GRIK2: variants seen among roughly 807,000 people sequenced by gnomAD.
The protein encoded by GRIK2 is glutamate ionotropic receptor kainate type subunit 2.
A neutral mutation model predicts 100.3 loss-of-function variants in GRIK2; 32 were observed. The observed-to-expected ratio is 0.32, with a 90% CI of 0.24 to 0.43. The LOEUF (loss-of-function observed/expected upper bound fraction) is 0.43, where lower values mean the gene tolerates loss of function less well. Among genes scored for constraint, GRIK2 ranks in the 20% least tolerant of loss-of-function variants. The pLI, the probability that GRIK2 is intolerant of heterozygous loss-of-function variation, is 1.00. For synonymous variants in GRIK2, 417 were observed against 389.4 expected, an observed-to-expected ratio of 1.07 and a Z score of -0.83; for missense variants, 843 against 1,114.9, an observed-to-expected ratio of 0.76 and a Z score of 3.47.
intron 2 of GRIK2, among the ~76,000 whole-genome samples, chr6:101,457,355 A>G (rs1202612686): frequency 6.6e-6 from 1 of 152,096 alleles, no homozygotes; most frequent in Non-Finnish European, 1.5e-5. Context: ...GTTATCTTTC[A>G]TGTGCATTTA....
chr6:102,066,989 T>A (rs1244462178), intron 16 of GRIK2, among the ~76,000 whole-genome samples: 2 of 151,722 alleles, frequency 1.3e-5, no homozygotes, highest in Non-Finnish European at 2.9e-5. Context: ...GATATGTTGC[T>A]GGAATCTTAG....
chr6:101,874,901 C>T (rs1384792622), intron 11 of GRIK2, among the ~76,000 whole-genome samples: 1 of 151,942 alleles, frequency 6.6e-6, no homozygotes, highest in Non-Finnish European at 1.5e-5. Context: ...CTCTGTTTGT[C>T]TGTTATTGGT....
intron 4 of GRIK2, among the ~76,000 whole-genome samples, chr6:101,628,836 CCTT>C (rs1469434934): frequency 2.6e-5 from 4 of 152,048 alleles, no homozygotes; most frequent in African/African-American, 9.7e-5. Context: ...TAATTATCAT[CCTT>C]AAACTCCTCA....
At chr6:101,494,140 A>C (rs937294726) in intron 2 of GRIK2, among the ~76,000 whole-genome samples, 7 of 150,636 alleles carry the variant, frequency 4.6e-5, no homozygotes, top group African/African-American at 1.7e-4. Flanking sequence ...TAAGGCAACA[A>C]TTTTAAAGGG....
intron 2 of GRIK2, among the ~76,000 whole-genome samples, chr6:101,455,167 G>T (rs1770932055): frequency 1.3e-5 from 2 of 152,024 alleles, no homozygotes; most frequent in African/African-American, 4.8e-5. Flanking sequence ...GGCAGGGAAA[G>T]GAAACTGACT....
intron 2 of GRIK2, among the ~76,000 whole-genome samples, chr6:101,600,542 G>A (rs939979205): frequency 3.9e-5 from 6 of 151,996 alleles, no homozygotes; most frequent in African/African-American, 1.2e-4. Context: ...AGCATGGAAT[G>A]TTTTTCTATT....
At chr6:102,014,841 G>T (rs1404660043) in intron 14 of GRIK2, among the ~76,000 whole-genome samples, 2 of 152,064 alleles carry the variant, frequency 1.3e-5, no homozygotes, top group Non-Finnish European at 2.9e-5. Context: ...GCTGAGGATT[G>T]TTTTATATCT....
chr6:101,748,657 T>A (rs922981387), intron 7 of GRIK2, among the ~76,000 whole-genome samples: 6 of 152,126 alleles, frequency 3.9e-5, no homozygotes, highest in African/African-American at 1.4e-4. Context: ...TATCACAGTA[T>A]CTGATACTCT....
chr6:102,025,583 A>G (rs941982225), intron 14 of GRIK2, among the ~76,000 whole-genome samples: 1 of 151,264 alleles, frequency 6.6e-6, no homozygotes, highest in Non-Finnish European at 1.5e-5. Context: ...AGAAAACAGC[A>G]TAGTCAAAGA....
intron 7 of GRIK2, among the ~76,000 whole-genome samples, chr6:101,791,673 T>C (rs923066914): frequency 3.3e-5 from 5 of 151,994 alleles, no homozygotes; most frequent in African/African-American, 1.2e-4. Flanking sequence ...GCTGAAAAAA[T>C]GTATATTCTG....
At chr6:102,006,920 A>G (rs529720581) in intron 14 of GRIK2, among the ~76,000 whole-genome samples, 2 of 152,172 alleles carry the variant, frequency 1.3e-5, no homozygotes, top group South Asian at 4.1e-4. Flanking sequence ...GGTAATTTTA[A>G]ATGGAAATAA....
chr6:101,738,659 G>A (rs1775834956), intron 7 of GRIK2, among the ~76,000 whole-genome samples: 1 of 151,980 alleles, frequency 6.6e-6, no homozygotes, highest in African/African-American at 2.4e-5. Context: ...TGTTGACCAG[G>A]GTTTCTCAAC....
intron 14 of GRIK2, among the ~76,000 whole-genome samples, chr6:101,938,389 G>A (rs930050081): frequency 7.9e-5 from 12 of 151,974 alleles, no homozygotes; most frequent in African/African-American, 2.9e-4. Flanking sequence ...ATCAGGAAAA[G>A]GACAAAATAA....
intron 2 of GRIK2, among the ~76,000 whole-genome samples, chr6:101,441,505 C>T (rs974241861): frequency 6.6e-6 from 1 of 152,148 alleles, no homozygotes; most frequent in Admixed American, 6.5e-5. Context: ...CTACCCAGAA[C>T]ACGGTATTAT....
chr6:102,048,836 T>G (rs749582142), intron 15 of GRIK2, among the ~76,000 whole-genome samples: 2 of 151,950 alleles, frequency 1.3e-5, no homozygotes, highest in Non-Finnish European at 2.9e-5. Flanking sequence ...TAATATAATA[T>G]AATTACAATA....
At position 101,401,641 on chromosome 6, in the gene GRIK2, A is replaced by T. The variant is rs144244568; in HGVS notation, c.115+2249A>T. 1.1e-3 allele frequency among the ~76,000 whole-genome samples: 174 copies of T among 152,300 alleles called. 2 individuals are homozygous for T. Among genetic ancestry groups the T allele is most frequent in the African/African-American group, 3.9e-3 (164 of 41,570 alleles). ...AAGGACTGTGTACATTGTTACTGGA[A>T]CATTTCCCTGTTGGGGCTATTTTGA... On this transcript the variant is annotated intron_variant, in intron 2 of 16. Transcript: ENST00000369134.
chr6:101,769,473 CAATAGTT>C (rs1778263508), intron 7 of GRIK2, among the ~76,000 whole-genome samples: 1 of 152,088 alleles, frequency 6.6e-6, no homozygotes, highest in Non-Finnish European at 1.5e-5. Flanking sequence ...GAAGTCTACT[CAATAGTT>C]AAGAGCCCTT....
intron 7 of GRIK2, among the ~76,000 whole-genome samples, chr6:101,790,213 A>G (rs948767828): frequency 1.3e-5 from 2 of 151,702 alleles, no homozygotes; most frequent in African/African-American, 4.9e-5. Flanking sequence ...TCTCCTGCCT[A>G]ATTGCCCTGG....
At chr6:101,421,473 G>T (rs780234368) in intron 2 of GRIK2, among the ~76,000 whole-genome samples, 2 of 152,158 alleles carry the variant, frequency 1.3e-5, no homozygotes, top group Non-Finnish European at 2.9e-5. Context: ...GAGAAATGGT[G>T]CTCCTTAATA....
Sources: allele counts gnomAD v4.1 joint callset (sites outside exome capture counted in the v4.1 genomes callset), GRCh38; gene constraint gnomAD v4.1.1; transcripts MANE v1.5; gene names NCBI Gene and HGNC (gene_info 2026-07-23, HGNC 2026-07-21).